Variants in FSTL4 observed in about 807,000 individuals in gnomAD.
FSTL4 encodes the protein follistatin-related protein 4.
Under a neutral mutation model 78.2 loss-of-function variants are expected in FSTL4, and 28 were observed. The observed-to-expected ratio is 0.36, with a 90% CI of 0.27 to 0.49. The LOEUF (loss-of-function observed/expected upper bound fraction) is 0.49. Ranked by LOEUF, FSTL4 falls within the 20% of genes least tolerant of loss-of-function variation. The pLI, the probability that FSTL4 is intolerant of heterozygous loss-of-function variation, is 0.98. For synonymous variants in FSTL4, 422 were observed against 440.5 expected (o/e 0.96, Z 0.53); for missense variants, 922 against 1,084.9 (o/e 0.85, Z 2.11).
intron 6 of FSTL4, among the ~76,000 whole-genome samples, chr5:133,259,428 A>C (rs1752460861): frequency 6.6e-6 from 1 of 152,126 alleles, no homozygotes; most frequent in African/African-American, 2.4e-5. Flanking sequence ...GGTCAGAGGC[A>C]GGAAATAGCT....
At chr5:133,737,757 A>T in the FSTL4 span, among the ~76,000 whole-genome samples, 2 of 151,868 alleles carry the variant, frequency 1.3e-5, no homozygotes, top group African/African-American at 2.4e-5. Context: ...AGTGACTGCC[A>T]CTGTGCCCGG....
At chr5:133,694,472 T>C in the FSTL4 span, among the ~76,000 whole-genome samples, 1 of 152,256 alleles carries the variant, frequency 6.6e-6, no homozygotes, top group Non-Finnish European at 1.5e-5. Flanking sequence ...TGCTAGGTGC[T>C]AGGGCACCGT....
intron 1 of FSTL4, among the ~76,000 whole-genome samples, chr5:133,607,157 T>C (rs765943346): frequency 8.5e-5 from 13 of 152,242 alleles, no homozygotes; most frequent in Non-Finnish European, 1.9e-4. Context: ...TGTCTACCAC[T>C]AGCTGTGATT....
At position 133,242,357 on chromosome 5, in the gene FSTL4, A is replaced by G. The variant is rs544065053; in HGVS notation, c.894+7053T>C. Among the ~76,000 whole-genome samples, 6 of 152,212 alleles carry G rather than the reference A, an allele frequency of 3.9e-5. No homozygotes were observed. The East Asian group carries it at 1.2e-3, about 29-fold the overall frequency. ...AGGCACCAATCGGCCTCCTTCATTG[A>G]CTGGGCCTCTGTAGGGAGGCAGTGA... On this transcript the variant is annotated intron_variant, in intron 7 of 15. Transcript: ENST00000265342.
chr5:133,573,549 A>G (rs977134735), intron 2 of FSTL4, among the ~76,000 whole-genome samples: 23 of 152,236 alleles, frequency 1.5e-4, no homozygotes, highest in African/African-American at 5.3e-4. Flanking sequence ...GTACATACCT[A>G]GTAGCATAGT....
At chr5:133,514,872 G>A (rs945527450) in intron 3 of FSTL4, among the ~76,000 whole-genome samples, 8 of 152,156 alleles carry the variant, frequency 5.3e-5, no homozygotes, top group Non-Finnish European at 1.0e-4. Flanking sequence ...GTAAGGGAAA[G>A]TACTTTTATT....
chr5:133,247,831 C>T (rs1261923081), intron 7 of FSTL4: 1 of 152,358 alleles, frequency 6.6e-6, no homozygotes. Context: ...GAAGGGCACT[C>T]CTTGGCAGCT....
chr5:133,542,566 T>C (rs978130644), intron 3 of FSTL4, among the ~76,000 whole-genome samples: 2 of 152,204 alleles, frequency 1.3e-5, no homozygotes, highest in Non-Finnish European at 2.9e-5. Context: ...ACTGGTAAAA[T>C]ATCTGGATCT....
At chr5:133,325,737 C>T (rs1334042536) in intron 4 of FSTL4, among the ~76,000 whole-genome samples, 1 of 152,164 alleles carries the variant, frequency 6.6e-6, no homozygotes, top group African/African-American at 2.4e-5. Flanking sequence ...GGGCTCCAGC[C>T]CCTCTTCAAC....
Position 133,321,345 on chromosome 5 carries a change from A to G in FSTL4, c.410-4693T>C, listed in dbSNP as rs560582265. 1.7e-3 allele frequency among the ~76,000 whole-genome samples: 265 copies of G among 152,158 alleles called. 1 individual carries two copies. Among genetic ancestry groups the G allele is most frequent in the Non-Finnish European group, 3.2e-3 (220 of 68,038 alleles). Reference sequence around the variant, plus strand: ...TACCTTCATCACTCTCCGTGCCCTGACACTGTGTGTGTTGGGCCTGGCTCC... The same window carrying G: ...TACCTTCATCACTCTCCGTGCCCTGGCACTGTGTGTGTTGGGCCTGGCTCC... On this transcript the variant is annotated intron_variant, in intron 4 of 15. Transcript: ENST00000265342.
In FSTL4 at chr5:133,603,937, G is replaced by T. The variant is rs1164128467; in HGVS notation, c.47C>A (p.Ser16Tyr). 6.2e-7 allele frequency: 1 copy of T among 1,613,766 alleles called. No individual in the cohort carries two copies. Among genetic ancestry groups the T allele is most frequent in the East Asian group, 2.2e-5 (1 of 44,882 alleles). The change falls in exon 2 of 16, where the codon TCC becomes TAC. Residue 16 changes from serine to tyrosine, a missense_variant. Coordinates refer to ENST00000265342, the MANE Select transcript of FSTL4 (RefSeq NM_015082.2). ...FWLHLTLLGA[S>Y]LPAALGWMDP... ...CATCCATCCCAGCGCAGCCGGCAGG[G>T]AGGCTCCGAGCAGTGTGAGATGCAG...
chr5:133,307,705 A>G (rs974351846), intron 6 of FSTL4, among the ~76,000 whole-genome samples: 6 of 151,872 alleles, frequency 4.0e-5, no homozygotes, highest in Admixed American at 1.3e-4. Flanking sequence ...CTCTCTATGT[A>G]CTTGAAGTCA....
At chr5:133,484,081 C>T (rs774201967) in intron 3 of FSTL4, among the ~76,000 whole-genome samples, 44 of 152,340 alleles carry the variant, frequency 2.9e-4, no homozygotes, top group Non-Finnish European at 5.0e-4. Context: ...ACACCTCTGC[C>T]TAAGTAGGAG....
chr5:133,390,896 G>A (rs1755832431), intron 4 of FSTL4, among the ~76,000 whole-genome samples: 1 of 152,168 alleles, frequency 6.6e-6, no homozygotes, highest in South Asian at 2.1e-4. Context: ...GAGTGATCAT[G>A]CGAGGCACAA....
chr5:133,285,428 C>T (rs1753106965), intron 6 of FSTL4, among the ~76,000 whole-genome samples: 1 of 152,176 alleles, frequency 6.6e-6, no homozygotes, highest in Non-Finnish European at 1.5e-5. Flanking sequence ...TCCCTGAAGG[C>T]TGCCTCTGGT....
At chr5:133,202,088 G>A in intron 14 of FSTL4, 46 bp from the exon 15 acceptor site, 1 of 1,299,848 alleles carries the variant, frequency 7.7e-7, no homozygotes, top group Non-Finnish European at 1.1e-6. Context: ...TGCAGGTGGG[G>A]GCTGAACCTG....
chr5:133,734,043 G>A, the FSTL4 span, among the ~76,000 whole-genome samples: 1 of 152,344 alleles, frequency 6.6e-6, no homozygotes, highest in Non-Finnish European at 1.5e-5. Context: ...AAAGCCAAGT[G>A]TCTTCTATAT....
At chr5:133,512,921 G>A (rs1230318196) in intron 3 of FSTL4, among the ~76,000 whole-genome samples, 2 of 152,066 alleles carry the variant, frequency 1.3e-5, no homozygotes. Context: ...AGGTTCAAGC[G>A]ATTCTCATGC....
At chr5:133,475,531 G>A (rs985690175) in intron 3 of FSTL4, among the ~76,000 whole-genome samples, 1 of 152,130 alleles carries the variant, frequency 6.6e-6, no homozygotes, top group Non-Finnish European at 1.5e-5. Context: ...AAGGTCTTTT[G>A]AATTTATTTT....
Sources: gnomAD v4.1 joint callset for allele counts (sites outside exome capture counted in the v4.1 genomes callset) on GRCh38, gnomAD v4.1.1 for gene constraint, MANE v1.5 for transcripts, NCBI Gene and HGNC (gene_info 2026-07-23, HGNC 2026-07-21) for gene names.